PKP2: variants seen among roughly 807,000 people sequenced by gnomAD.
PKP2 encodes plakophilin-2.
Under a neutral mutation model 83.4 loss-of-function variants are expected in PKP2, and 73 were observed. The observed-to-expected ratio is 0.88, with a 90% CI of 0.72 to 1.06. The LOEUF (loss-of-function observed/expected upper bound fraction) is 1.06, where lower values mean the gene tolerates loss of function less well. PKP2 is among the 50% of genes least tolerant of loss of function. The pLI, the probability that PKP2 is intolerant of heterozygous loss-of-function variation, is 0.00. For missense variants in PKP2, 966 were observed against 1,065.4 expected (o/e 0.91, Z 1.30); for synonymous variants, 409 against 430.4 (o/e 0.95, Z 0.62).
chr12:32,817,177 T>C (rs1467417749), intron 9 of PKP2, among the ~76,000 whole-genome samples: 1 of 152,176 alleles, frequency 6.6e-6, no homozygotes, highest in Non-Finnish European at 1.5e-5. Flanking sequence ...AAATAAGCAA[T>C]GGGGAAAGGA....
At position 32,843,894 on chromosome 12, in the gene PKP2, AC is replaced by A. The variant is rs1244645442; in HGVS notation, c.1379-2690del. Among the ~76,000 whole-genome samples the A allele has an allele frequency of 3.9e-5, 6 of 152,230 alleles. No homozygotes were observed. The East Asian group carries it at 1.2e-3, about 29-fold the overall frequency. On this transcript the variant is annotated intron_variant, in intron 5 of 12. Coordinates refer to ENST00000340811, the MANE Select transcript of PKP2 (RefSeq NM_001005242.3). ...AAGAAGAGAGAAATGAAGAAAAAAA[AC>A]AAAAGCTTCTTTAGTCCTAAATAAG...
chr12:32,895,162 GA>G (rs1957110775), intron 1 of PKP2, among the ~76,000 whole-genome samples: 1 of 152,064 alleles, frequency 6.6e-6, no homozygotes, highest in Admixed American at 6.5e-5. Flanking sequence ...AAATGAGGAT[GA>G]AAATACCTAA....
intron 4 of PKP2, among the ~76,000 whole-genome samples, chr12:32,866,965 C>CA (rs909964777): frequency 1.1e-4 from 17 of 151,968 alleles, no homozygotes; most frequent in African/African-American, 4.1e-4. Flanking sequence ...TAATTCAAAC[C>CA]AAAAAAATCT....
At chr12:32,880,277 G>A (rs949018223) in intron 1 of PKP2, among the ~76,000 whole-genome samples, 3 of 151,786 alleles carry the variant, frequency 2.0e-5, no homozygotes, top group Non-Finnish European at 2.9e-5. Flanking sequence ...GTGGGCGCCT[G>A]TAATCCCAGC....
At chr12:32,812,669 AT>A (rs1311471301) in intron 9 of PKP2, among the ~76,000 whole-genome samples, 3 of 151,870 alleles carry the variant, frequency 2.0e-5, no homozygotes, top group African/African-American at 7.3e-5. Context: ...TGCCTGGCTA[AT>A]TTTTTGTATT....
rs1434806094 is a variant in PKP2, at chr12:32,802,367, T to C, written c.2167+36A>G. 5.0e-6 allele frequency: 8 copies of C among 1,591,826 alleles called. No individual in the cohort carries two copies. The Middle Eastern group carries it at 7.1e-4, about 140-fold the overall frequency. ...ATTTCATTGCATTGTATCTTCAGCATGTACATATTACACATAGATACTTAT... is the reference window on the plus strand; with the variant it reads ...ATTTCATTGCATTGTATCTTCAGCACGTACATATTACACATAGATACTTAT... On this transcript the variant is annotated intron_variant, in intron 10 of 12. Coordinates refer to ENST00000340811, the MANE Select transcript of PKP2 (RefSeq NM_001005242.3).
chr12:32,792,726 G>A lies in PKP2; in HGVS notation c.2363C>T (p.Ala788Val), dbSNP rs763663760. ...IMAISAGDAYASNKASKAASV... is the reference protein window; with the variant it reads ...IMAISAGDAYVSNKASKAASV... ...AGCAGCTTTACTTGCTTTGTTGGAG[G>A]CATAGCTGAAAAGAAAAGGACATTC... Residue 788 changes from alanine to valine, a missense_variant, in exon 12 of 13, where the codon GCC (alanine) becomes GTC (valine). Transcript: ENST00000340811. 1.9e-6 allele frequency: 3 copies of A among 1,613,224 alleles called. No homozygotes were observed. The highest frequency in any genetic ancestry group is 2.5e-6 in the Non-Finnish European group (3 of 1,179,346).
chr12:32,873,821 C>A (rs57049661), intron 3 of PKP2, among the ~76,000 whole-genome samples: 8,834 of 152,260 alleles, frequency 0.058, 895 homozygotes, highest in African/African-American at 0.2. Flanking sequence ...TGAGCCACCG[C>A]GTCCGGCCCA....
chr12:32,803,917 A>C (rs1368823814), intron 9 of PKP2, among the ~76,000 whole-genome samples: 1 of 152,220 alleles, frequency 6.6e-6, no homozygotes, highest in Non-Finnish European at 1.5e-5. Flanking sequence ...CATCACCATT[A>C]TTCCTGACTC....
At chr12:32,834,942 C>G (rs1956530880) in intron 6 of PKP2, among the ~76,000 whole-genome samples, 1 of 128,296 alleles carries the variant, frequency 7.8e-6, no homozygotes, top group South Asian at 2.5e-4. Context: ...TAAATTCACA[C>G]TAAATTAAAA....
At chr12:32,812,648 G>A (rs763491774) in intron 9 of PKP2, among the ~76,000 whole-genome samples, 26 of 151,924 alleles carry the variant, frequency 1.7e-4, no homozygotes, top group African/African-American at 6.0e-4. Flanking sequence ...GACTACAGGC[G>A]CCCACCACCA....
intron 4 of PKP2, among the ~76,000 whole-genome samples, chr12:32,858,084 AATATATATATAT>A (rs869148477): frequency 4.5e-5 from 3 of 67,026 alleles, no homozygotes; most frequent in African/African-American, 1.6e-4. Context: ...AAAAAAAAAA[AATATATATATAT>A]ATATATATAT....
chr12:32,887,165 T>TCC (rs1314765658), intron 1 of PKP2, among the ~76,000 whole-genome samples: 2 of 152,212 alleles, frequency 1.3e-5, no homozygotes, highest in Non-Finnish European at 2.9e-5. Flanking sequence ...ACTTGGTGTA[T>TCC]CAGGTATATG....
chr12:32,803,368 TAAACAAACAAAC>T (rs145781871), intron 9 of PKP2, among the ~76,000 whole-genome samples: 2 of 152,078 alleles, frequency 1.3e-5, no homozygotes, highest in African/African-American at 4.8e-5. Flanking sequence ...TGACAGTGTC[TAAACAAACAAAC>T]AAACAAACAA....
rs780342528 is a variant in PKP2 at position 32,878,562 on chromosome 12, A to C, written c.337-19T>G. On this transcript the variant is annotated intron_variant, in intron 2 of 12. Coordinates refer to ENST00000340811, the MANE Select transcript of PKP2 (RefSeq NM_001005242.3). Reference sequence around the variant, plus strand: ...TGCCAGCCTGCACATGAGAGAAATAAAGTTTAAAGGGGGCATAAATCAAAT... The same window carrying C: ...TGCCAGCCTGCACATGAGAGAAATACAGTTTAAAGGGGGCATAAATCAAAT... 20 of 1,595,536 alleles carry C rather than the reference A, an allele frequency of 1.3e-5. No homozygotes were observed. Among genetic ancestry groups the C allele is most frequent in the Non-Finnish European group, 1.7e-5 (20 of 1,167,334 alleles).
chr12:32,869,631 A>G (rs1433469597), intron 3 of PKP2, among the ~76,000 whole-genome samples: 2 of 147,990 alleles, frequency 1.4e-5, no homozygotes, highest in African/African-American at 5.2e-5. Flanking sequence ...AAAGATAAAT[A>G]TGTATCCTAT....
chr12:32,799,050 T>C (rs7975210), intron 10 of PKP2, among the ~76,000 whole-genome samples: 1 of 151,784 alleles, frequency 6.6e-6, no homozygotes. Context: ...TCTACAAGGA[T>C]CTCAAAAAAG....
chr12:32,802,326 A>G (rs1956188692), intron 10 of PKP2, 77 bp downstream of exon 10: 1 of 1,410,016 alleles, frequency 7.1e-7, no homozygotes, highest in Non-Finnish European at 1.0e-6. Flanking sequence ...TGTGAACGGG[A>G]GGTGATACAG....
At chr12:32,878,824 T>C (rs1956959697) in intron 2 of PKP2, 96 bp downstream of exon 2, 2 of 805,548 alleles carry the variant, frequency 2.5e-6, no homozygotes, top group Non-Finnish European at 4.3e-6. Context: ...TGATAATACT[T>C]GGGAAAAGTA....
Sources: gnomAD v4.1 joint callset for allele counts (sites outside exome capture counted in the v4.1 genomes callset) on GRCh38, gnomAD v4.1.1 for gene constraint, MANE v1.5 for transcripts, NCBI Gene and HGNC (gene_info 2026-07-23, HGNC 2026-07-21) for gene names.